Variants in CD55 observed in about 807,000 individuals in gnomAD.
CD55 encodes complement decay-accelerating factor.
A neutral mutation model predicts 45.8 loss-of-function variants in CD55; 41 were observed. That is an observed-to-expected ratio of 0.90 (90% CI 0.70 to 1.16). The LOEUF (loss-of-function observed/expected upper bound fraction) is 1.16, where lower values mean the gene tolerates loss of function less well. Among genes scored for constraint, CD55 ranks in the 50% most tolerant of loss-of-function variants. The probability of loss-of-function intolerance (pLI) is 0.00; values close to 1 mark genes in which losing one functional copy is unlikely to be tolerated. For synonymous variants in CD55, 181 were observed against 181.1 expected, an observed-to-expected ratio of 1.00 and a Z score of 0.01; for missense variants, 416 against 469.8, an observed-to-expected ratio of 0.89 and a Z score of 1.06.
rs1443022685 is a variant in CD55 at position 207,321,816 on chromosome 1, G to C, written c.51G>C (p.Glu17Asp). The change falls in exon 1 of 10, where the codon GAG (glutamate) becomes GAC (aspartate). Residue 17 changes from glutamate (E) to aspartate (D), a missense_variant. Around this residue, in one of 3 missense-constraint regions of CD55, gnomAD observed 123 missense variants for 105.1 expected, o/e 1.17. Coordinates refer to ENST00000367064, the MANE Select transcript of CD55 (RefSeq NM_000574.5). The stretch of plus-strand genomic sequence containing the variant: ...CCGCGGCGCTGCCCCTCCTCGGGGA[G>C]CTGCCCCGGCTGCTGCTGCTGGTGC... ...SVPAALPLLG[E>D]LPRLLLLVLL... 6.5e-7 allele frequency: 1 copy of C among 1,529,062 alleles called. No homozygotes were observed. Among genetic ancestry groups the C allele is most frequent in the South Asian group, 1.2e-5 (1 of 83,554 alleles). The allele number at this position is 1,529,062 out of a possible 1,614,324, so 94.7% of individuals were successfully genotyped here.
chr1:207,345,742 T>C (rs1655606393), intron 9 of CD55, among the ~76,000 whole-genome samples: 1 of 152,212 alleles, frequency 6.6e-6, no homozygotes, highest in Admixed American at 6.5e-5. Context: ...GGGGAGGACT[T>C]TTCCTGAAGA....
intron 9 of CD55, 25 bp downstream of exon 9, chr1:207,339,442 A>C: frequency 1.3e-6 from 2 of 1,584,848 alleles, no homozygotes; most frequent in Admixed American, 3.5e-5. Flanking sequence ...CAGGCCATTA[A>C]AAGAAATTGT....
At chr1:207,348,401 T>C (rs1010410015) in intron 9 of CD55, among the ~76,000 whole-genome samples, 7 of 152,248 alleles carry the variant, frequency 4.6e-5, no homozygotes, top group African/African-American at 1.7e-4. Flanking sequence ...CCTTTGCCCA[T>C]TTTTTAAGGG....
intron 2 of CD55, among the ~76,000 whole-genome samples, chr1:207,323,158 G>GAT (rs561986333): frequency 8.7e-5 from 13 of 150,222 alleles, no homozygotes; most frequent in Non-Finnish European, 1.6e-4. Flanking sequence ...TATAAATTGG[G>GAT]ATATATATAT....
chr1:207,322,469 A>G lies in CD55; in HGVS notation c.188A>G (p.Tyr63Cys). 1.2e-6 allele frequency: 2 copies of G among 1,614,238 alleles called. No homozygotes were observed. Among genetic ancestry groups the G allele is most frequent in the East Asian group, 2.2e-5 (1 of 44,892 alleles). Reference sequence around the variant, plus strand: ...TTTCCCGAGGATACTGTAATAACGTACAAATGTGAAGAAAGCTTTGTGAAA... The same window carrying G: ...TTTCCCGAGGATACTGTAATAACGTGCAAATGTGAAGAAAGCTTTGTGAAA... ...TSFPEDTVIT[Y>C]KCEESFVKIP... is the part of the protein sequence containing the mutation. The change falls in exon 2 of 10, where the codon TAC becomes TGC. Residue 63 changes from tyrosine (Y) to cysteine (C), a missense_variant. This residue lies in a region of CD55 where 123 missense variants were observed against 105.1 expected (regional missense o/e 1.17). Transcript: ENST00000367064.
chr1:207,327,522 C>T (rs948192772), intron 5 of CD55, among the ~76,000 whole-genome samples: 1 of 152,152 alleles, frequency 6.6e-6, no homozygotes, highest in Non-Finnish European at 1.5e-5. Flanking sequence ...AGACACATGT[C>T]TCTTGGAAAT....
intron 9 of CD55, among the ~76,000 whole-genome samples, chr1:207,344,508 T>A (rs1655553637): frequency 1.3e-5 from 2 of 152,174 alleles, no homozygotes. Flanking sequence ...ACTTTCCTAA[T>A]CCTTGGTTGG....
At position 207,357,532 on chromosome 1, in the gene CD55, G is replaced by A. The variant is rs142497876; in HGVS notation, c.1082-2014G>A. 5.0e-3 allele frequency among the ~76,000 whole-genome samples: 620 copies of A among 123,860 alleles called. 5 individuals are homozygous for A. The highest frequency in any genetic ancestry group is 0.018 in the African/African-American group (585 of 33,154). The allele number at this position is 123,860 out of a possible 152,430, so 81.3% of individuals were successfully genotyped here. ...CAATTTACCAAAGCTACTGCTTTGAGACTCCCTGGATCGGTGGGAATGGAG... is the reference window on the plus strand; with the variant it reads ...CAATTTACCAAAGCTACTGCTTTGAAACTCCCTGGATCGGTGGGAATGGAG... On this transcript the variant is annotated intron_variant, in intron 9 of 9. Coordinates refer to ENST00000367064, the MANE Select transcript of CD55 (RefSeq NM_000574.5).
chr1:207,324,496 T>C lies in CD55; in HGVS notation c.287-63T>C, dbSNP rs1041696937. The C allele has an allele frequency of 2.7e-6, 3 of 1,115,976 alleles. No homozygotes were observed. The African/African-American group carries it at 4.8e-5, about 18-fold the overall frequency. The allele number at this position is 1,115,976 out of a possible 1,614,324, so 69.1% of individuals were successfully genotyped here. A position where few individuals can be genotyped will look rare whatever the true frequency, so the allele number is the denominator to read the frequency against. On this transcript the variant is annotated intron_variant, in intron 2 of 9. Transcript: ENST00000367064. ...GGTTATTAGGGTCCAGATAATTAAATATAGATTATAAAACAAAAATTGATA... is the reference window on the plus strand; with the variant it reads ...GGTTATTAGGGTCCAGATAATTAAACATAGATTATAAAACAAAAATTGATA...
chr1:207,324,533 G>A, intron 2 of CD55, 26 bp from the exon 3 acceptor site: 3 of 1,497,210 alleles, frequency 2.0e-6, no homozygotes, highest in Non-Finnish European at 2.7e-6. Flanking sequence ...TACATTTTTT[G>A]TTGCTGCTTT....
intron 9 of CD55, among the ~76,000 whole-genome samples, chr1:207,344,699 C>CATGGAGAA (rs1655561036): frequency 6.6e-6 from 1 of 151,598 alleles, no homozygotes; most frequent in African/African-American, 2.4e-5. Flanking sequence ...TATAGTTTGT[C>CATGGAGAA]ATGGAGAAAA....
chr1:207,332,763 T>C (rs28371616), intron 6 of CD55, among the ~76,000 whole-genome samples: 1,719 of 152,204 alleles, frequency 0.011, 40 homozygotes, highest in African/African-American at 0.04. Flanking sequence ...CTATAAAATC[T>C]CAATAGATTA....
intron 9 of CD55, among the ~76,000 whole-genome samples, chr1:207,352,231 T>C (rs953626901): frequency 7.0e-6 from 1 of 143,354 alleles, no homozygotes; most frequent in East Asian, 2.4e-4. Flanking sequence ...TATAAGTGTT[T>C]CCCAATTTTT....
chr1:207,325,636 A>G lies in CD55; in HGVS notation c.493A>G (p.Asn165Asp). 1 of 1,606,636 alleles carries G rather than the reference A, an allele frequency of 6.2e-7. No individual in the cohort carries two copies. Among genetic ancestry groups the G allele is most frequent in the African/African-American group, 1.3e-5 (1 of 74,854 alleles). The change falls in exon 4 of 10, where the codon AAT becomes GAT. Residue 165 changes from asparagine to aspartate, a missense_variant. Asn to Asp is a conservative substitution (Grantham distance 23, BLOSUM62 1). Around this residue, in one of 3 missense-constraint regions of CD55, gnomAD observed 111 missense variants for 163.4 expected, o/e 0.68. Transcript: ENST00000367064. The stretch of plus-strand genomic sequence containing the variant: ...TTCTATTCTAGAGAAATCATGCCCT[A>G]ATCCGGGAGAAATACGAAATGGTCA... The part of the protein sequence containing the change: ...VEFCKKKSCP[N>D]PGEIRNGQID...
intron 6 of CD55, among the ~76,000 whole-genome samples, chr1:207,334,670 G>T (rs1655091266): frequency 6.6e-6 from 1 of 151,936 alleles, no homozygotes; most frequent in Admixed American, 6.6e-5. Context: ...TGATCTCTAG[G>T]GTTGCTACAA....
chr1:207,359,501 T>C (rs748493853), intron 9 of CD55, 45 bp from the exon 10 acceptor site: 22 of 1,479,394 alleles, frequency 1.5e-5, no homozygotes, highest in Non-Finnish European at 1.9e-5. Flanking sequence ...GTAAATAAAA[T>C]CATTTTGATT....
At chr1:207,353,927 A>T in intron 9 of CD55, 1 of 1,304,612 alleles carries the variant, frequency 7.7e-7, no homozygotes, top group Non-Finnish European at 1.0e-6. Flanking sequence ...CTGTTACATT[A>T]AGTATGATAT....
chr1:207,323,557 T>G (rs2102376930), intron 2 of CD55, among the ~76,000 whole-genome samples: 1 of 152,246 alleles, frequency 6.6e-6, no homozygotes, highest in African/African-American at 2.4e-5. Context: ...ATCTGTTACT[T>G]ACATAGCCCT....
chr1:207,347,074 T>G (rs905897384), intron 9 of CD55: 22 of 456,102 alleles, frequency 4.8e-5, no homozygotes, highest in Admixed American at 1.4e-4. Context: ...GTTTGTTAAA[T>G]TCTAGTGTTC....
Sources: allele counts gnomAD v4.1 joint callset (sites outside exome capture counted in the v4.1 genomes callset), GRCh38; gene constraint gnomAD v4.1.1; regional missense constraint gnomAD v4.1.1; transcripts MANE v1.5; gene names NCBI Gene and HGNC (gene_info 2026-07-23, HGNC 2026-07-21).